Variants in SYTL3 observed in about 807,000 individuals in gnomAD.
SYTL3 encodes the protein synaptotagmin like 3.
SYTL3 carries 88 observed loss-of-function variants against 82.1 expected under a neutral mutation model. That is an observed-to-expected ratio of 1.07 (90% CI 0.90 to 1.28). SYTL3 has a LOEUF of 1.28. SYTL3 is among the 50% of genes most tolerant of loss of function. The probability of loss-of-function intolerance (pLI) is 0.00; values close to 1 mark genes in which losing one functional copy is unlikely to be tolerated. For missense variants in SYTL3, 831 were observed against 757.6 expected (o/e 1.10, Z -1.14); for synonymous variants, 311 against 289.4 (o/e 1.07, Z -0.76).
chr6:158,736,131 C>T (rs1163330278), intron 11 of SYTL3, among the ~76,000 whole-genome samples: 1 of 152,150 alleles, frequency 6.6e-6, no homozygotes, highest in East Asian at 1.9e-4. Flanking sequence ...GCGGGTGGAT[C>T]ACAAGGTCAG....
At position 158,764,543 on chromosome 6, in the gene SYTL3, A is replaced by C. The variant is rs1213898182; in HGVS notation, c.1772A>C (p.Gln591Pro). Residue 591 changes from glutamine to proline, a missense_variant, in exon 18 of 18, where the codon CAG becomes CCG. Gln to Pro is a moderately conservative substitution (Grantham distance 76). Coordinates refer to ENST00000611299, the MANE Select transcript of SYTL3 (RefSeq NM_001242394.2). ...GATGCATGCTCACTATCGAAGCTCC[A>C]GTGGCAGAAAGTCCTTTCCAGCCCC... ...GGDACSLSKLQWQKVLSSPNL... is the reference protein window; with the variant it reads ...GGDACSLSKLPWQKVLSSPNL... The C allele has an allele frequency of 3.7e-6, 6 of 1,614,156 alleles. No individual in the cohort carries two copies. Among genetic ancestry groups the C allele is most frequent in the Non-Finnish European group, 5.1e-6 (6 of 1,180,014 alleles).
chr6:158,649,459 C>T (rs1787744055), upstream of SYTL3, among the ~76,000 whole-genome samples: 1 of 152,234 alleles, frequency 6.6e-6, no homozygotes, highest in Admixed American at 6.5e-5. Context: ...CTACGTGGCA[C>T]GTGGCACCTT....
chr6:158,706,231 CAA>C (rs1408895450), intron 6 of SYTL3, among the ~76,000 whole-genome samples: 1 of 152,118 alleles, frequency 6.6e-6, no homozygotes, highest in Non-Finnish European at 1.5e-5. Context: ...GCCATGATTT[CAA>C]AGACTCCTGC....
intron 11 of SYTL3, among the ~76,000 whole-genome samples, chr6:158,737,006 G>A (rs1786263057): frequency 7.0e-6 from 1 of 143,442 alleles, no homozygotes; most frequent in Non-Finnish European, 1.5e-5. Context: ...AATCCTATAT[G>A]TTATATGTAC....
At chr6:158,762,001 G>GT in intron 15 of SYTL3, 75 bp from the exon 16 acceptor site, 4 of 1,066,158 alleles carry the variant, frequency 3.8e-6, no homozygotes, top group Non-Finnish European at 2.9e-6. Flanking sequence ...TGAGCTCTCG[G>GT]TTTTGGGGTG....
At chr6:158,740,745 G>A (rs995029021) in intron 11 of SYTL3, among the ~76,000 whole-genome samples, 1 of 152,140 alleles carries the variant, frequency 6.6e-6, no homozygotes, top group Non-Finnish European at 1.5e-5. Context: ...AAAAATATTA[G>A]GTTGCTAGAA....
intron 11 of SYTL3, among the ~76,000 whole-genome samples, chr6:158,729,669 C>G (rs182431263): frequency 2.6e-5 from 4 of 151,046 alleles, no homozygotes; most frequent in African/African-American, 9.7e-5. Flanking sequence ...CTGGTTCACG[C>G]CATTCTCCTG....
chr6:158,764,172 C>G (rs917043271), intron 17 of SYTL3, among the ~76,000 whole-genome samples: 1 of 152,256 alleles, frequency 6.6e-6, no homozygotes, highest in Non-Finnish European at 1.5e-5. Context: ...GACGGCCCCA[C>G]CCAGCTAGCC....
intron 16 of SYTL3, among the ~76,000 whole-genome samples, chr6:158,762,383 ATCT>A (rs1354314437): frequency 1.3e-5 from 2 of 152,040 alleles, no homozygotes; most frequent in East Asian, 3.8e-4. Flanking sequence ...CGAAACCCTA[ATCT>A]TCTCAGTTCT....
intron 7 of SYTL3, among the ~76,000 whole-genome samples, 186 bp from the exon 8 acceptor site, chr6:158,708,136 A>G (rs761805182): frequency 2.6e-5 from 4 of 152,140 alleles, no homozygotes; most frequent in Non-Finnish European, 5.9e-5. Flanking sequence ...AGATACCAGG[A>G]AATCATGCCC....
chr6:158,762,889 C>T (rs866825368), intron 16 of SYTL3, among the ~76,000 whole-genome samples: 3 of 152,146 alleles, frequency 2.0e-5, no homozygotes, highest in Non-Finnish European at 4.4e-5. Context: ...TTCACTCCAG[C>T]CTGGGCGACA....
chr6:158,754,317 G>A (rs1788794574), intron 13 of SYTL3, among the ~76,000 whole-genome samples: 1 of 152,164 alleles, frequency 6.6e-6, no homozygotes, highest in Non-Finnish European at 1.5e-5. Flanking sequence ...GGGTGACATT[G>A]GTCATTGCCT....
At chr6:158,718,256 T>G in intron 10 of SYTL3, 45 bp downstream of exon 10, 1 of 1,397,684 alleles carries the variant, frequency 7.2e-7, no homozygotes, top group Non-Finnish European at 9.4e-7. Flanking sequence ...ACCTTCATGT[T>G]GTCTTCCAGA....
rs9347248 is a variant in SYTL3, at chr6:158,657,510, A to G, written c.-636-3759A>G. Among the ~76,000 whole-genome samples, 215 of 152,182 alleles carry G rather than the reference A, an allele frequency of 1.4e-3. 3 individuals carry two copies. The East Asian group carries it at 0.038, about 27-fold the overall frequency. ...TGGCTAGGAAAAACTTTATGAAAAA[A>G]CAAAACAAAAAACCTGAAAGATAAT... On this transcript the variant is annotated intron_variant, in intron 2 of 17. Coordinates refer to ENST00000611299, the MANE Select transcript of SYTL3 (RefSeq NM_001242394.2).
intron 5 of SYTL3, among the ~76,000 whole-genome samples, chr6:158,672,366 C>T (rs909809696): frequency 2.0e-5 from 3 of 152,186 alleles, no homozygotes; most frequent in Non-Finnish European, 2.9e-5. Flanking sequence ...AGTTGCTTTC[C>T]GTGGTCTTCC....
chr6:158,757,456 A>T, intron 14 of SYTL3, 75 bp downstream of exon 14: 1 of 1,506,034 alleles, frequency 6.6e-7, no homozygotes, highest in Non-Finnish European at 9.1e-7. Flanking sequence ...GAGATCCCAG[A>T]AGAGAAAACG....
chr6:158,673,707 GGATTAAAGGTGT>G (rs1777665099), intron 5 of SYTL3, among the ~76,000 whole-genome samples: 1 of 151,334 alleles, frequency 6.6e-6, no homozygotes, highest in African/African-American at 2.4e-5. Flanking sequence ...CAAAGTGCTG[GGATTAAAGGTGT>G]GAGCCACCAC....
chr6:158,707,129 A>G, intron 6 of SYTL3, 101 bp from the exon 7 acceptor site: 1 of 1,212,094 alleles, frequency 8.3e-7, no homozygotes, highest in Non-Finnish European at 1.2e-6. Flanking sequence ...AATCACAAGA[A>G]ATGATACTAG....
At chr6:158,708,820 T>C (rs1782425723) in intron 8 of SYTL3, among the ~76,000 whole-genome samples, 1 of 152,290 alleles carries the variant, frequency 6.6e-6, no homozygotes, top group Middle Eastern at 3.4e-3. Flanking sequence ...TCCAAAGAAA[T>C]TAGCTGTGTG....
Sources: gnomAD v4.1 joint callset for allele counts (sites outside exome capture counted in the v4.1 genomes callset) on GRCh38, gnomAD v4.1.1 for gene constraint, MANE v1.5 for transcripts, NCBI Gene and HGNC (gene_info 2026-07-23, HGNC 2026-07-21) for gene names.